Variants in IGSF10 observed in about 807,000 individuals in gnomAD.
IGSF10 encodes the protein immunoglobulin superfamily member 10.
In IGSF10, 126 loss-of-function variants were observed where a neutral mutation model predicts 128.2. The observed-to-expected ratio is 0.98, with a 90% CI of 0.85 to 1.14. The LOEUF (loss-of-function observed/expected upper bound fraction) is 1.14, where lower values mean the gene tolerates loss of function less well. IGSF10 is among the 50% of genes most tolerant of loss of function. The pLI, the probability that IGSF10 is intolerant of heterozygous loss-of-function variation, is 0.00. For synonymous variants in IGSF10, 1,185 were observed against 1,146.2 expected (o/e 1.03, Z -0.68); for missense variants, 3,295 against 3,149.8 (o/e 1.05, Z -1.10).
At position 151,438,417 on chromosome 3, in the gene IGSF10, C is replaced by T. The variant is rs762768763; in HGVS notation, c.6144G>A (p.Lys2048=). The T allele has an allele frequency of 6.2e-7, 1 of 1,614,166 alleles. No individual in the cohort carries two copies. Among genetic ancestry groups the T allele is most frequent in the South Asian group, 1.1e-5 (1 of 91,088 alleles). Residue 2048 remains lysine, a synonymous_variant, in exon 8 of 8, where the codon AAG becomes AAA. Transcript: ENST00000282466. Reference sequence around the variant, plus strand: ...GGAAATCTTTCCCATGGAGCACTTGCTTTCTAAAATACTGCTTGTGGTCAA... The same window carrying T: ...GGAAATCTTTCCCATGGAGCACTTGTTTTCTAAAATACTGCTTGTGGTCAA... ...AKIDHKQYFR[K]QVLHGKDFQV...
At chr3:151,487,823 C>G in the IGSF10 span, among the ~76,000 whole-genome samples, 5 of 152,052 alleles carry the variant, frequency 3.3e-5, no homozygotes, top group African/African-American at 4.8e-5. Context: ...ATTGATGGAA[C>G]GTGTCTCAAA....
the IGSF10 span, among the ~76,000 whole-genome samples, chr3:151,588,986 T>A: frequency 6.6e-5 from 10 of 152,164 alleles, no homozygotes; most frequent in African/African-American, 2.2e-4. Context: ...GAAGAAGTAT[T>A]ATAGCAATAA....
chr3:151,596,845 C>T, the IGSF10 span, among the ~76,000 whole-genome samples: 1 of 152,090 alleles, frequency 6.6e-6, no homozygotes, highest in South Asian at 2.1e-4. Flanking sequence ...TAGCCAAAGT[C>T]GTGGTGGGAG....
the IGSF10 span, among the ~76,000 whole-genome samples, chr3:151,561,232 T>C: frequency 6.6e-6 from 1 of 152,188 alleles, no homozygotes; most frequent in African/African-American, 2.4e-5. Context: ...AAGTTTTTGA[T>C]AATTTTTTCT....
chr3:151,522,617 A>G, the IGSF10 span, among the ~76,000 whole-genome samples: 1 of 152,156 alleles, frequency 6.6e-6, no homozygotes, highest in African/African-American at 2.4e-5. Context: ...AGACATGGAG[A>G]AGGCTTTTGA....
At chr3:151,553,630 C>A in the IGSF10 span, among the ~76,000 whole-genome samples, 42 of 149,308 alleles carry the variant, frequency 2.8e-4, no homozygotes, top group African/African-American at 9.4e-4. Flanking sequence ...GTCTCTCTCT[C>A]TTTCTATATA....
chr3:151,614,881 A>T, the IGSF10 span, among the ~76,000 whole-genome samples: 2 of 150,420 alleles, frequency 1.3e-5, no homozygotes, highest in African/African-American at 2.5e-5. Context: ...GAAGTGAGGT[A>T]ACAGAAACAG....
At chr3:151,515,983 G>T in the IGSF10 span, among the ~76,000 whole-genome samples, 1 of 151,984 alleles carries the variant, frequency 6.6e-6, no homozygotes, top group African/African-American at 2.4e-5. Context: ...TACATATTAT[G>T]CTCATTATGC....
the IGSF10 span, among the ~76,000 whole-genome samples, chr3:151,597,671 C>T: frequency 3.3e-5 from 5 of 152,158 alleles, no homozygotes; most frequent in Non-Finnish European, 7.4e-5. Flanking sequence ...AATCCCAGCA[C>T]TTTGGGAGGC....
chr3:151,443,350 G>A lies in IGSF10; in HGVS notation c.5597C>T (p.Ala1866Val), dbSNP rs1378609540. The A allele has an allele frequency of 2.5e-6, 4 of 1,614,218 alleles. No individual in the cohort carries two copies. The highest frequency in any genetic ancestry group is 1.6e-4 in the Middle Eastern group (1 of 6,062). The change falls in exon 7 of 8, where the codon GCA becomes GTA. Residue 1866 changes from alanine (A) to valine (V), a missense_variant. Transcript: ENST00000282466. ...AACGCTGGGCTGAGGAGTTCCTTTT[G>A]CAGTACAGGGCAGTTTTAAACTTTC... ...WGESLKLPCT[A>V]KGTPQPSVYW...
chr3:151,435,643 A>ATGTT (rs931850375), downstream of IGSF10: 109 of 151,486 alleles, frequency 7.2e-4, no homozygotes, highest in African/African-American at 2.4e-3. Flanking sequence ...TACTAGGTGA[A>ATGTT]TGTTTGAATA....
At chr3:151,488,560 C>G in the IGSF10 span, among the ~76,000 whole-genome samples, 1 of 152,178 alleles carries the variant, frequency 6.6e-6, no homozygotes, top group African/African-American at 2.4e-5. Flanking sequence ...ATCATGCTAT[C>G]TGACATCAAT....
At chr3:151,613,566 C>A in the IGSF10 span, among the ~76,000 whole-genome samples, 474 of 141,162 alleles carry the variant, frequency 3.4e-3, no homozygotes, top group African/African-American at 3.6e-3. Context: ...CAAAAACAAG[C>A]AATGGGGAAA....
At chr3:151,432,714 G>C, downstream of IGSF10, 1 of 1,539,390 alleles carries the variant, frequency 6.5e-7, no homozygotes, top group Non-Finnish European at 9.0e-7. Flanking sequence ...CAATAGTTTT[G>C]TGTCTGTAAT....
chr3:151,541,310 T>C, the IGSF10 span, among the ~76,000 whole-genome samples: 1 of 152,188 alleles, frequency 6.6e-6, no homozygotes, highest in Non-Finnish European at 1.5e-5. Context: ...ACAGTATATC[T>C]TTACATTATA....
At chr3:151,468,207 T>C in the IGSF10 span, among the ~76,000 whole-genome samples, 1 of 152,234 alleles carries the variant, frequency 6.6e-6, no homozygotes, top group African/African-American at 2.4e-5. Flanking sequence ...CAGATATGAC[T>C]GAATTGGTGG....
chr3:151,445,398 A>G lies in IGSF10; in HGVS notation c.4583T>C (p.Val1528Ala), dbSNP rs1350658333. 6.2e-7 allele frequency: 1 copy of G among 1,614,046 alleles called. No homozygotes were observed. Among genetic ancestry groups the G allele is most frequent in the Non-Finnish European group, 8.5e-7 (1 of 1,180,030 alleles). The change falls in exon 6 of 8, where the codon GTT becomes GCT. Residue 1528 changes from valine (V) to alanine (A), a missense_variant. Transcript: ENST00000282466. ...AATTGTGAACTTGGCATTTGGGTGA[A>G]CCTTGGGGGATGTTGCAACCTCTGC... ...LVAEVATSPK[V>A]HPNAKFTIGT...
chr3:151,613,126 C>T, the IGSF10 span, among the ~76,000 whole-genome samples: 1 of 152,154 alleles, frequency 6.6e-6, no homozygotes, highest in Non-Finnish European at 1.5e-5. Flanking sequence ...AAGAATCCAA[C>T]TTACAAGGGA....
In IGSF10 at chr3:151,456,989, A is replaced by C. The variant is rs762720812; in HGVS notation, c.324+37T>G. 3.7e-6 allele frequency: 6 copies of C among 1,612,562 alleles called. No individual in the cohort carries two copies. In the East Asian group the frequency reaches 1.3e-4, roughly 36 times the overall value. On this transcript the variant is annotated intron_variant, in intron 4 of 7. Transcript: ENST00000282466. Reference sequence around the variant, plus strand: ...AGGTCTATCTCACAGGTCCCACCTTACCTCTTTAACCTGCCCCCTCTCTCC... The same window carrying C: ...AGGTCTATCTCACAGGTCCCACCTTCCCTCTTTAACCTGCCCCCTCTCTCC...
Sources: allele counts gnomAD v4.1 joint callset (sites outside exome capture counted in the v4.1 genomes callset), GRCh38; gene constraint gnomAD v4.1.1; transcripts MANE v1.5; gene names NCBI Gene and HGNC (gene_info 2026-07-23, HGNC 2026-07-21).